The following MGAT4C variants were observed in gnomAD, a reference collection of about 807,000 sequenced individuals.
MGAT4C encodes alpha-1,3-mannosyl-glycoprotein 4-beta-N-acetylglucosaminyltransferase C.
A neutral mutation model predicts 40.1 loss-of-function variants in MGAT4C; 19 were observed. The observed-to-expected ratio is 0.47, with a 90% CI of 0.33 to 0.70. The LOEUF (loss-of-function observed/expected upper bound fraction) is 0.70. Among genes scored for constraint, MGAT4C ranks in the 30% least tolerant of loss-of-function variants. MGAT4C has a pLI of 0.02. For missense variants in MGAT4C, 491 were observed against 563.2 expected (o/e 0.87, Z 1.30); for synonymous variants, 181 against 187.1 (o/e 0.97, Z 0.27).
intron 2 of MGAT4C, among the ~76,000 whole-genome samples, chr12:86,583,939 A>C (rs1416810487): frequency 2.0e-5 from 3 of 151,018 alleles, no homozygotes; most frequent in African/African-American, 7.3e-5. Context: ...TTTACCTTAT[A>C]CTACTAATAA....
chr12:86,292,717 A>T (rs1348353507), intron 4 of MGAT4C, among the ~76,000 whole-genome samples: 1 of 152,218 alleles, frequency 6.6e-6, no homozygotes, highest in Non-Finnish European at 1.5e-5. Flanking sequence ...AATTGATAAC[A>T]GCTACAGCTT....
chr12:86,799,427 C>T (rs1222323103), intron 1 of MGAT4C, among the ~76,000 whole-genome samples: 4 of 151,810 alleles, frequency 2.6e-5, no homozygotes, highest in African/African-American at 4.8e-5. Flanking sequence ...CTCTGACATG[C>T]ATTATTTCCT....
intron 2 of MGAT4C, among the ~76,000 whole-genome samples, chr12:86,478,647 A>G (rs1565789048): frequency 6.6e-6 from 1 of 152,108 alleles, no homozygotes; most frequent in Non-Finnish European, 1.5e-5. Flanking sequence ...GCCCATGGCA[A>G]TTCAAATTCC....
At chr12:86,144,547 C>T (rs1883264804) in intron 1 of MGAT4C, among the ~76,000 whole-genome samples, 1 of 152,106 alleles carries the variant, frequency 6.6e-6, no homozygotes, top group Admixed American at 6.5e-5. Flanking sequence ...TAATATAGTG[C>T]AGAACACTAA....
chr12:86,642,573 A>T (rs1030134831), intron 2 of MGAT4C, among the ~76,000 whole-genome samples: 1 of 151,776 alleles, frequency 6.6e-6, no homozygotes. Flanking sequence ...ATTAAATTTG[A>T]ATTAATGGTG....
At chr12:86,460,884 T>G (rs984933448) in intron 2 of MGAT4C, among the ~76,000 whole-genome samples, 1 of 152,134 alleles carries the variant, frequency 6.6e-6, no homozygotes, top group South Asian at 2.1e-4. Flanking sequence ...ATAGCCCACT[T>G]TTTAAATTAC....
chr12:86,296,375 T>TGCCTGCCAGTC (rs1953676165), intron 4 of MGAT4C, among the ~76,000 whole-genome samples: 1 of 152,220 alleles, frequency 6.6e-6, no homozygotes, highest in Non-Finnish European at 1.5e-5. Context: ...CAGGTGGAGC[T>TGCCTGCCAGTC]GCCTGCCAGT....
chr12:86,558,275 G>C (rs1156524348), intron 2 of MGAT4C, among the ~76,000 whole-genome samples: 1 of 152,088 alleles, frequency 6.6e-6, no homozygotes, highest in Non-Finnish European at 1.5e-5. Flanking sequence ...CAAAAACATG[G>C]AAAGTTCATT....
intron 3 of MGAT4C, among the ~76,000 whole-genome samples, chr12:85,984,281 C>T (rs1592605497): frequency 6.6e-6 from 1 of 152,048 alleles, no homozygotes; most frequent in Non-Finnish European, 1.5e-5. Flanking sequence ...TAATTTTTTT[C>T]ATATGTCCTA....
At chr12:86,212,724 T>TAAAA (rs63517761) in intron 1 of MGAT4C, among the ~76,000 whole-genome samples, 1 of 107,910 alleles carries the variant, frequency 9.3e-6, no homozygotes, top group Non-Finnish European at 1.8e-5. Context: ...CCGTCTCTAC[T>TAAAA]AAAAAAAAAA....
intron 1 of MGAT4C, among the ~76,000 whole-genome samples, chr12:86,799,983 A>C (rs1014930362): frequency 3.9e-5 from 6 of 151,930 alleles, no homozygotes; most frequent in Non-Finnish European, 4.4e-5. Flanking sequence ...TCAAAACATG[A>C]AAATGGGTGC....
intron 2 of MGAT4C, among the ~76,000 whole-genome samples, chr12:86,489,291 C>A (rs1327791824): frequency 6.6e-6 from 1 of 152,202 alleles, no homozygotes; most frequent in African/African-American, 2.4e-5. Flanking sequence ...CCCCTCCCCA[C>A]TGAGAGCTGC....
intron 2 of MGAT4C, among the ~76,000 whole-genome samples, chr12:86,656,717 T>C (rs962197606): frequency 3.9e-5 from 6 of 152,050 alleles, no homozygotes; most frequent in Non-Finnish European, 7.4e-5. Context: ...GTGTTTTTTT[T>C]GTGGAGTAAT....
chr12:86,042,694 T>A (rs1891977998), intron 2 of MGAT4C, among the ~76,000 whole-genome samples: 1 of 151,066 alleles, frequency 6.6e-6, no homozygotes, highest in Non-Finnish European at 1.5e-5. Flanking sequence ...TGAAACCCCA[T>A]CTCTACTAAA....
chr12:86,167,807 C>T lies in MGAT4C; in HGVS notation c.-57+88432G>A, dbSNP rs1295482577. ...TGAAGGTTAAATTTCAACACATGAA[C>T]TTTGGAGGACCCATTCAAACCACAG... is the stretch of plus-strand genomic sequence containing the variant. On this transcript the variant is annotated intron_variant, in intron 1 of 4. Coordinates refer to ENST00000611864, the MANE Select transcript of MGAT4C (RefSeq NM_001351288.2). 4.6e-5 allele frequency among the ~76,000 whole-genome samples: 7 copies of T among 152,312 alleles called. No homozygotes were observed. In the East Asian group the frequency reaches 1.4e-3, roughly 29 times the overall value.
At chr12:86,072,921 A>C (rs529397837) in intron 1 of MGAT4C, among the ~76,000 whole-genome samples, 3 of 152,272 alleles carry the variant, frequency 2.0e-5, no homozygotes, top group Non-Finnish European at 4.4e-5. Context: ...CATCATTAAC[A>C]GTATTGTGAT....
intron 3 of MGAT4C, among the ~76,000 whole-genome samples, chr12:86,379,859 T>C (rs545523748): frequency 6.6e-6 from 1 of 152,228 alleles, no homozygotes; most frequent in East Asian, 1.9e-4. Flanking sequence ...GAATAAGTGT[T>C]CTTGTTAAAG....
At chr12:86,263,735 T>C (rs1353245723) in intron 4 of MGAT4C, among the ~76,000 whole-genome samples, 3 of 152,166 alleles carry the variant, frequency 2.0e-5, no homozygotes, top group Non-Finnish European at 2.9e-5. Context: ...CTTTTAGTTC[T>C]TCAAGAAATC....
intron 4 of MGAT4C, among the ~76,000 whole-genome samples, chr12:86,280,454 A>G (rs1001437561): frequency 2.2e-4 from 34 of 152,006 alleles, no homozygotes; most frequent in African/African-American, 7.7e-4. Context: ...ATAAAACCAT[A>G]TAAAGTAAAT....
Sources: gnomAD v4.1 joint callset for allele counts (sites outside exome capture counted in the v4.1 genomes callset) on GRCh38, gnomAD v4.1.1 for gene constraint, MANE v1.5 for transcripts, NCBI Gene and HGNC (gene_info 2026-07-23, HGNC 2026-07-21) for gene names.